Variants in NCOA2 observed in about 807,000 individuals in gnomAD.
NCOA2 encodes the protein class E basic helix-loop-helix protein 75.
A neutral mutation model predicts 145.1 loss-of-function variants in NCOA2; 21 were observed. The ratio of observed to expected loss-of-function variants is 0.14; its 90% CI spans 0.10 to 0.21. The LOEUF (loss-of-function observed/expected upper bound fraction) is 0.21. Among genes scored for constraint, NCOA2 ranks in the 10% least tolerant of loss-of-function variants. The pLI is 1.00. For synonymous variants in NCOA2, 619 were observed against 637.5 expected (o/e 0.97, Z 0.44); for missense variants, 1,472 against 1,837.6 (o/e 0.80, Z 3.64).
intron 9 of NCOA2, among the ~76,000 whole-genome samples, chr8:70,161,085 C>T (rs1306615172): frequency 1.3e-5 from 2 of 152,184 alleles, no homozygotes; most frequent in African/African-American, 2.4e-5. Flanking sequence ...TTAGGAAGTG[C>T]CTCCATTTAA....
chr8:70,223,587 G>A (rs1380205462), intron 2 of NCOA2, among the ~76,000 whole-genome samples: 1 of 152,124 alleles, frequency 6.6e-6, no homozygotes, highest in African/African-American at 2.4e-5. Flanking sequence ...TTCCTAACAG[G>A]TCACACAGAT....
intron 11 of NCOA2, among the ~76,000 whole-genome samples, chr8:70,153,220 T>C (rs531381709): frequency 7.9e-4 from 120 of 152,314 alleles, no homozygotes; most frequent in Non-Finnish European, 1.5e-3. Context: ...AAAAATATAC[T>C]TACTATATGT....
intron 6 of NCOA2, among the ~76,000 whole-genome samples, chr8:70,168,930 G>T (rs910319911): frequency 4.6e-5 from 7 of 152,156 alleles, no homozygotes; most frequent in Non-Finnish European, 7.4e-5. Flanking sequence ...CATACATTTT[G>T]TATCACTGTT....
intron 1 of NCOA2, among the ~76,000 whole-genome samples, chr8:70,397,782 C>T (rs1437350755): frequency 2.0e-5 from 3 of 152,176 alleles, no homozygotes; most frequent in Non-Finnish European, 4.4e-5. Flanking sequence ...CGGTTGTAAG[C>T]TAATCAGTTA....
chr8:70,399,130 T>C (rs1356214568), intron 1 of NCOA2, among the ~76,000 whole-genome samples: 2 of 152,248 alleles, frequency 1.3e-5, no homozygotes, highest in Non-Finnish European at 2.9e-5. Context: ...TTATGATGTC[T>C]GAATTGAAGG....
intron 1 of NCOA2, among the ~76,000 whole-genome samples, chr8:70,324,485 G>A (rs912242965): frequency 3.3e-5 from 5 of 152,080 alleles, no homozygotes; most frequent in Admixed American, 6.6e-5. Flanking sequence ...CTGTAGGCAC[G>A]TGCCACTGCA....
Position 70,110,809 on chromosome 8 carries a change from T to A in NCOA2, c.*2823A>T, listed in dbSNP as rs531679911. 1 of 225,180 alleles carries A rather than the reference T, an allele frequency of 4.4e-6. No individual in the cohort carries two copies. Among genetic ancestry groups the A allele is most frequent in the East Asian group, 6.5e-5 (1 of 15,442 alleles). 13.9% of individuals were successfully genotyped at this position (225,180 alleles called of 1,614,324 possible). A position where few individuals can be genotyped will look rare whatever the true frequency, so the allele number is the denominator to read the frequency against. ...TTGTAGTAAAACAGCTCACTTCACT[T>A]TTTAAACTTACCACATTACATGAAC... On this transcript the variant is annotated 3_prime_UTR_variant, in exon 23 of 23. Coordinates refer to ENST00000452400, the MANE Select transcript of NCOA2 (RefSeq NM_006540.4).
chr8:70,156,599 T>C lies in NCOA2; in HGVS notation c.1766A>G (p.Tyr589Cys). The change falls in exon 11 of 23, where the codon TAT becomes TGT. Residue 589 changes from tyrosine to cysteine, a missense_variant. By Grantham distance (194) the Tyr-to-Cys change is radical. Coordinates refer to ENST00000452400, the MANE Select transcript of NCOA2 (RefSeq NM_006540.4). ...AGTTGTACCTTCAGAGGGCTCCCCA[T>C]ATAGTCCAAAACAGTCTTTTGAGTC... ...SLDSKDCFGL[Y>C]GEPSEGTTGQ... The C allele has an allele frequency of 6.2e-7, 1 of 1,613,948 alleles. No individual in the cohort carries two copies. Among genetic ancestry groups the C allele is most frequent in the South Asian group, 1.1e-5 (1 of 91,078 alleles).
chr8:70,224,516 G>A (rs1045671785), intron 2 of NCOA2, among the ~76,000 whole-genome samples: 1 of 151,582 alleles, frequency 6.6e-6, no homozygotes, highest in East Asian at 1.9e-4. Context: ...CTAAATAGTG[G>A]GCAATAAAAA....
intron 1 of NCOA2, among the ~76,000 whole-genome samples, chr8:70,353,498 C>A (rs917419475): frequency 2.0e-4 from 29 of 147,118 alleles, no homozygotes; most frequent in Non-Finnish European, 4.0e-4. Flanking sequence ...GATGGAAAGA[C>A]AGAAGAGACC....
the NCOA2 span, among the ~76,000 whole-genome samples, chr8:70,442,268 C>T: frequency 2.0e-5 from 3 of 152,254 alleles, no homozygotes; most frequent in African/African-American, 4.8e-5. Flanking sequence ...GCTGGCCTAG[C>T]TCACACATGC....
At chr8:70,183,997 T>C (rs1563582813) in intron 4 of NCOA2, among the ~76,000 whole-genome samples, 2 of 152,208 alleles carry the variant, frequency 1.3e-5, no homozygotes, top group Non-Finnish European at 2.9e-5. Context: ...AAATGTCTCT[T>C]CAGAGGTATC....
At chr8:70,166,105 A>AG (rs1813589522) in intron 7 of NCOA2, among the ~76,000 whole-genome samples, 1 of 152,150 alleles carries the variant, frequency 6.6e-6, no homozygotes, top group South Asian at 2.1e-4. Context: ...TACAGGCGTG[A>AG]GCCACCGTGC....
chr8:70,221,479 T>TA (rs1820131176), intron 2 of NCOA2, among the ~76,000 whole-genome samples: 1 of 152,138 alleles, frequency 6.6e-6, no homozygotes, highest in African/African-American at 2.4e-5. Context: ...CTGATAAGTC[T>TA]AAAAAACATA....
At chr8:70,273,817 A>C (rs536771424) in intron 2 of NCOA2, 1 of 570,332 alleles carries the variant, frequency 1.8e-6, no homozygotes, top group African/African-American at 1.9e-5. Context: ...AATTTGGATG[A>C]GGCTTCCAAG....
chr8:70,440,005 C>T, the NCOA2 span, among the ~76,000 whole-genome samples: 3 of 152,178 alleles, frequency 2.0e-5, no homozygotes, highest in Admixed American at 2.0e-4. Context: ...CACTGAGAGA[C>T]CCATTGGTAG....
Position 70,157,257 on chromosome 8 carries a change from G to T in NCOA2, c.1125-17C>A. 1 of 1,486,780 alleles carries T rather than the reference G, an allele frequency of 6.7e-7. No individual in the cohort carries two copies. Among genetic ancestry groups the T allele is most frequent in the South Asian group, 1.5e-5 (1 of 66,672 alleles). The allele number at this position is 1,486,780 out of a possible 1,614,324, so 92.1% of individuals were successfully genotyped here. On this transcript the variant is annotated splice_polypyrimidine_tract_variant and intron_variant, in intron 10 of 22. Coordinates refer to ENST00000452400, the MANE Select transcript of NCOA2 (RefSeq NM_006540.4). ...TTCTGCTCTCTGTATAACGAGAAAA[G>T]AAAAAAATGTAAGATAAAAGGAAAA... is the stretch of plus-strand genomic sequence containing the variant.
intron 2 of NCOA2, among the ~76,000 whole-genome samples, chr8:70,226,858 A>G (rs1373948522): frequency 6.6e-6 from 1 of 152,118 alleles, no homozygotes. Context: ...CTAAATCACA[A>G]GAGCTTTCCA....
At chr8:70,392,778 T>C (rs1813322567) in intron 1 of NCOA2, among the ~76,000 whole-genome samples, 1 of 152,240 alleles carries the variant, frequency 6.6e-6, no homozygotes, top group Admixed American at 6.5e-5. Context: ...CTCACTCCAG[T>C]GGCAAAATAT....
Sources: allele counts gnomAD v4.1 joint callset (sites outside exome capture counted in the v4.1 genomes callset), GRCh38; gene constraint gnomAD v4.1.1; transcripts MANE v1.5; gene names NCBI Gene and HGNC (gene_info 2026-07-23, HGNC 2026-07-21).